LIMS1: variants seen among roughly 807,000 people sequenced by gnomAD.
LIMS1 encodes the protein LIM zinc finger domain containing 1.
Under a neutral mutation model 44.1 loss-of-function variants are expected in LIMS1, and 18 were observed. That is an observed-to-expected ratio of 0.41 (90% confidence interval 0.28 to 0.61). The LOEUF (loss-of-function observed/expected upper bound fraction) is 0.61, where lower values mean the gene tolerates loss of function less well. LIMS1 is among the 20% of genes least tolerant of loss of function. LIMS1 has a pLI of 0.32. For synonymous variants in LIMS1, 93 were observed against 149.1 expected, an observed-to-expected ratio of 0.62 and a Z score of 2.74; for missense variants, 201 against 422.0, an observed-to-expected ratio of 0.48 and a Z score of 4.59.
intron 2 of LIMS1, among the ~76,000 whole-genome samples, chr2:108,667,231 A>T (rs1438218837): frequency 6.6e-6 from 1 of 152,310 alleles, no homozygotes; most frequent in South Asian, 2.1e-4. Flanking sequence ...GGATTTTAGG[A>T]GCTGTATGCC....
chr2:108,577,201 A>T (rs959521366), intron 1 of LIMS1, among the ~76,000 whole-genome samples: 8 of 152,232 alleles, frequency 5.3e-5, no homozygotes, highest in African/African-American at 1.9e-4. Context: ...AGTGCCTGAC[A>T]CACTGTTAAG....
At chr2:108,616,710 T>G (rs1462656255) in intron 1 of LIMS1, among the ~76,000 whole-genome samples, 1 of 152,186 alleles carries the variant, frequency 6.6e-6, no homozygotes, top group Non-Finnish European at 1.5e-5. Flanking sequence ...TCTCATACTC[T>G]CTGCTCCAGT....
intron 1 of LIMS1, among the ~76,000 whole-genome samples, chr2:108,633,265 G>C (rs1338297457): frequency 6.6e-6 from 1 of 152,160 alleles, no homozygotes; most frequent in Non-Finnish European, 1.5e-5. Context: ...GGATAAAACT[G>C]TCTCTTGAAA....
intron 1 of LIMS1, among the ~76,000 whole-genome samples, chr2:108,551,445 T>C (rs915147393): frequency 1.4e-5 from 2 of 145,814 alleles, no homozygotes; most frequent in African/African-American, 5.0e-5. Context: ...ATATAGTATA[T>C]ATAATATATA....
At chr2:108,634,832 C>G (rs939214477) in intron 1 of LIMS1, among the ~76,000 whole-genome samples, 5 of 152,198 alleles carry the variant, frequency 3.3e-5, no homozygotes, top group Non-Finnish European at 5.9e-5. Context: ...CAGCGACTGC[C>G]CAAGGAGCTG....
intron 2 of LIMS1, among the ~76,000 whole-genome samples, chr2:108,663,509 G>T (rs1691513961): frequency 6.6e-6 from 1 of 152,162 alleles, no homozygotes; most frequent in Admixed American, 6.5e-5. Context: ...TTTTGGGAGT[G>T]AAGCGGAGCC....
intron 1 of LIMS1, among the ~76,000 whole-genome samples, chr2:108,537,084 G>A (rs1322497388): frequency 6.6e-6 from 1 of 152,136 alleles, no homozygotes; most frequent in African/African-American, 2.4e-5. Flanking sequence ...AAGAATTCAG[G>A]GACAGTACCA....
At chr2:108,542,733 AG>A (rs1558780222) in intron 1 of LIMS1, among the ~76,000 whole-genome samples, 1 of 152,042 alleles carries the variant, frequency 6.6e-6, no homozygotes, top group Non-Finnish European at 1.5e-5. Context: ...TCCTTTTTTA[AG>A]GGGGTAGGAG....
At chr2:108,552,261 C>T (rs1193734896) in intron 1 of LIMS1, among the ~76,000 whole-genome samples, 1 of 131,312 alleles carries the variant, frequency 7.6e-6, no homozygotes, top group African/African-American at 2.8e-5. Context: ...ATATATACTA[C>T]ACGTATAGTA....
intron 1 of LIMS1, among the ~76,000 whole-genome samples, chr2:108,543,879 G>A (rs750451246): frequency 6.6e-6 from 1 of 152,022 alleles, no homozygotes; most frequent in Non-Finnish European, 1.5e-5. Flanking sequence ...TCGTTATTGG[G>A]CCACGAGAAA....
chr2:108,627,437 C>A, intron 1 of LIMS1, among the ~76,000 whole-genome samples: 1 of 126,102 alleles, frequency 7.9e-6, no homozygotes, highest in Admixed American at 9.4e-5. Context: ...CTATAGGAGA[C>A]ATTTAGGAAC....
At chr2:108,584,633 A>T (rs1373427091) in intron 1 of LIMS1, among the ~76,000 whole-genome samples, 1 of 152,108 alleles carries the variant, frequency 6.6e-6, no homozygotes. Flanking sequence ...GGGATCCCTG[A>T]GGAGGAGTGC....
At chr2:108,584,801 G>A (rs189414845) in intron 1 of LIMS1, among the ~76,000 whole-genome samples, 11 of 152,186 alleles carry the variant, frequency 7.2e-5, no homozygotes, top group Non-Finnish European at 1.3e-4. Flanking sequence ...GTCCCTCTTA[G>A]GCTGTGTAAA....
intron 1 of LIMS1, among the ~76,000 whole-genome samples, chr2:108,631,653 T>C (rs1010277415): frequency 6.6e-6 from 1 of 152,082 alleles, no homozygotes; most frequent in Non-Finnish European, 1.5e-5. Context: ...CTTTACTTAC[T>C]GTCCCTAGTG....
At chr2:108,631,505 T>C (rs771377124) in intron 1 of LIMS1, among the ~76,000 whole-genome samples, 33 of 152,000 alleles carry the variant, frequency 2.2e-4, no homozygotes, top group Admixed American at 3.3e-4. Context: ...TTGTATGCTG[T>C]GGAACAAAAG....
chr2:108,608,337 G>A (rs1282984097), intron 1 of LIMS1, among the ~76,000 whole-genome samples: 3 of 145,082 alleles, frequency 2.1e-5, no homozygotes, highest in Non-Finnish European at 3.0e-5. Context: ...ACGGTGTCTC[G>A]CTCTGTCACT....
intron 1 of LIMS1, among the ~76,000 whole-genome samples, chr2:108,620,830 C>G (rs1391923361): frequency 6.6e-6 from 1 of 152,116 alleles, no homozygotes; most frequent in African/African-American, 2.4e-5. Context: ...TGGACTGCTT[C>G]CCTTTAGAAT....
chr2:108,553,246 T>C lies in LIMS1; in HGVS notation c.32+18652T>C, dbSNP rs145562476. Among the ~76,000 whole-genome samples the C allele has an allele frequency of 4.6e-5, 7 of 152,320 alleles. No homozygotes were observed. In the East Asian group the frequency reaches 1.2e-3, roughly 25 times the overall value. On this transcript the variant is annotated intron_variant, in intron 1 of 9. Coordinates refer to ENST00000544547, the Ensembl canonical transcript of LIMS1. Reference sequence around the variant, plus strand: ...GATGCAGCCTGGGTGCAGATAAATATCTTTTGAGGGAGAGAGTTAGTACTT... The same window carrying C: ...GATGCAGCCTGGGTGCAGATAAATACCTTTTGAGGGAGAGAGTTAGTACTT...
At chr2:108,660,310 G>A (rs966256406) in intron 2 of LIMS1, 3 of 467,960 alleles carry the variant, frequency 6.4e-6, no homozygotes, top group Non-Finnish European at 1.3e-5. Context: ...GCTCTCCTGG[G>A]TGTCTATGTT....
Sources: allele counts gnomAD v4.1 joint callset (sites outside exome capture counted in the v4.1 genomes callset), GRCh38; gene constraint gnomAD v4.1.1; transcripts MANE v1.5; gene names NCBI Gene and HGNC (gene_info 2026-07-23, HGNC 2026-07-21).